Variants in GIN1 observed in about 807,000 individuals in gnomAD.
GIN1 encodes gypsy retrotransposon integrase 1, also known as gypsy retrotransposon integrase-like protein 1.
Under a neutral mutation model 51.4 loss-of-function variants are expected in GIN1, and 41 were observed. That is an observed-to-expected ratio of 0.80 (90% CI 0.62 to 1.04). The LOEUF (loss-of-function observed/expected upper bound fraction) is 1.04. GIN1 is among the 50% of genes least tolerant of loss of function. The pLI is 0.00. For missense variants in GIN1, 610 were observed against 612.4 expected, an observed-to-expected ratio of 1.00 and a Z score of 0.04; for synonymous variants, 222 against 206.5, an observed-to-expected ratio of 1.07 and a Z score of -0.64.
At chr5:103,110,076 C>T (rs1787829957) in intron 1 of GIN1, among the ~76,000 whole-genome samples, 1 of 151,776 alleles carries the variant, frequency 6.6e-6, no homozygotes, top group African/African-American at 2.4e-5. Flanking sequence ...ACATCTTACA[C>T]AAAAATTAAT....
At chr5:103,101,685 CT>C (rs1787578988) in intron 4 of GIN1, among the ~76,000 whole-genome samples, 2 of 152,268 alleles carry the variant, frequency 1.3e-5, no homozygotes, top group African/African-American at 4.8e-5. Flanking sequence ...CATTCAACTG[CT>C]GAAAGCAAAA....
chr5:103,087,871 A>AGC lies in GIN1; in HGVS notation c.*26_*27insGC. 1.0e-6 allele frequency: 1 copy of AGC among 963,148 alleles called. No homozygotes were observed. Among genetic ancestry groups the AGC allele is most frequent in the Non-Finnish European group, 1.5e-6 (1 of 655,112 alleles). 59.7% of individuals were successfully genotyped at this position (963,148 alleles called of 1,614,324 possible). A position where few individuals can be genotyped will look rare whatever the true frequency, so the allele number is the denominator to read the frequency against. ...TCATTAAGAATTTATATTCTAAACA[A>AGC]ACAATTTAAATAAATTTTGGTATTT... On this transcript the variant is annotated 3_prime_UTR_variant, in exon 8 of 8. Transcript: ENST00000399004.
chr5:103,092,754 T>G (rs1253490183), intron 7 of GIN1, among the ~76,000 whole-genome samples: 1 of 151,754 alleles, frequency 6.6e-6, no homozygotes, highest in Non-Finnish European at 1.5e-5. Context: ...GAGACCAACC[T>G]GGGCAACATA....
rs75209620 is a variant in GIN1, at chr5:103,096,494, C to G, written c.1294+47G>C. 929 of 1,317,610 alleles carry G rather than the reference C, an allele frequency of 7.1e-4. 9 individuals carry two copies. In the East Asian group the frequency reaches 0.018, roughly 25 times the overall value. The allele number at this position is 1,317,610 out of a possible 1,614,324, so 81.6% of individuals were successfully genotyped here. On this transcript the variant is annotated intron_variant, in intron 7 of 7. Transcript: ENST00000399004. ...AAGGTTTCTGTTATTTTTAACTATT[C>G]TCCTTACCTAAAGCAATAAAAATGT...
intron 4 of GIN1, 29 bp downstream of exon 4, chr5:103,104,511 TC>T: frequency 9.0e-7 from 1 of 1,114,394 alleles, no homozygotes; most frequent in South Asian, 1.4e-5. Flanking sequence ...TAAGATATGC[TC>T]CCAGACCTAA....
chr5:103,104,724 A>T lies in GIN1; in HGVS notation c.456T>A (p.His152Gln). Residue 152 changes from histidine (H) to glutamine (Q), a missense_variant, in exon 4 of 8, where the codon CAT becomes CAA. Coordinates refer to ENST00000399004, the MANE Select transcript of GIN1 (RefSeq NM_017676.2). ...CATATACATGACTTCTGTTGCTTGT[A>T]TGAAAAGGCCCCATCAGATCAACAG... The part of the protein sequence containing the change: ...LVTVDLMGPF[H>Q]TSNRSHVYAI... 1 of 1,612,638 alleles carries T rather than the reference A, an allele frequency of 6.2e-7. No homozygotes were observed.
chr5:103,104,006 T>C (rs1787649196), intron 4 of GIN1, among the ~76,000 whole-genome samples: 1 of 151,950 alleles, frequency 6.6e-6, no homozygotes, highest in Non-Finnish European at 1.5e-5. Flanking sequence ...CAGGCTGGAG[T>C]GCAGTGGTGC....
chr5:103,115,465 G>A (rs114319587), intron 1 of GIN1, among the ~76,000 whole-genome samples: 1 of 152,132 alleles, frequency 6.6e-6, no homozygotes, highest in Admixed American at 6.5e-5. Context: ...GGTAGTCAGA[G>A]TAGTCAAATA....
chr5:103,106,938 T>C (rs782297856), intron 2 of GIN1, 29 bp from the exon 3 acceptor site: 12 of 1,255,996 alleles, frequency 9.6e-6, no homozygotes, highest in Middle Eastern at 2.1e-4. Flanking sequence ...AAAGATAGAA[T>C]TGCAATTTTT....
chr5:103,090,746 A>C lies in GIN1; in HGVS notation c.1295-2574T>G, dbSNP rs183603471. Reference sequence around the variant, plus strand: ...TAGGGAAAAATATGCCTAGATGTAAAGCTCTTAGAAATTTTCATTTTAATT... The same window carrying C: ...TAGGGAAAAATATGCCTAGATGTAACGCTCTTAGAAATTTTCATTTTAATT... On this transcript the variant is annotated intron_variant, in intron 7 of 7. Coordinates refer to ENST00000399004, the MANE Select transcript of GIN1 (RefSeq NM_017676.2). 2.1e-3 allele frequency among the ~76,000 whole-genome samples: 319 copies of C among 152,282 alleles called. 1 individual carries two copies. The highest frequency in any genetic ancestry group is 7.3e-3 in the African/African-American group (302 of 41,550).
chr5:103,104,157 T>C (rs1408693413), intron 4 of GIN1, among the ~76,000 whole-genome samples: 1 of 152,114 alleles, frequency 6.6e-6, no homozygotes, highest in Non-Finnish European at 1.5e-5. Context: ...TTTCGCCCTA[T>C]TGCCCAGGTG....
At chr5:103,113,768 C>T (rs2151477000) in intron 1 of GIN1, among the ~76,000 whole-genome samples, 1 of 152,264 alleles carries the variant, frequency 6.6e-6, no homozygotes, top group Non-Finnish European at 1.5e-5. Flanking sequence ...GTGATCCACC[C>T]ACCTTAGCCT....
At chr5:103,111,157 C>G (rs1787871195) in intron 1 of GIN1, among the ~76,000 whole-genome samples, 1 of 151,750 alleles carries the variant, frequency 6.6e-6, no homozygotes, top group Admixed American at 6.6e-5. Flanking sequence ...ATCATTCTAG[C>G]TCTGCATTAA....
chr5:103,089,670 G>C (rs782820288), intron 7 of GIN1, among the ~76,000 whole-genome samples: 1 of 152,060 alleles, frequency 6.6e-6, no homozygotes, highest in Non-Finnish European at 1.5e-5. Context: ...GGGTTAAGGA[G>C]CCCTCAAATT....
rs1262134895 is a variant in GIN1 at position 103,086,536 on chromosome 5, T to A, written c.*1362A>T. 6.6e-6 allele frequency: 1 copy of A among 152,232 alleles called. No individual in the cohort carries two copies. Among genetic ancestry groups the A allele is most frequent in the African/African-American group, 2.4e-5 (1 of 41,464 alleles). The allele number at this position is 152,232 out of a possible 1,614,324, so 9.4% of individuals were successfully genotyped here. Reference sequence around the variant, plus strand: ...CTTTTTATGAATCATTACAATACTTTTCCATTTCTGTGTATTACTTCTCCC... The same window carrying A: ...CTTTTTATGAATCATTACAATACTTATCCATTTCTGTGTATTACTTCTCCC... On this transcript the variant is annotated 3_prime_UTR_variant, in exon 8 of 8. Coordinates refer to ENST00000399004, the MANE Select transcript of GIN1 (RefSeq NM_017676.2).
At chr5:103,100,989 G>C (rs953294853) in intron 4 of GIN1, among the ~76,000 whole-genome samples, 27 of 152,218 alleles carry the variant, frequency 1.8e-4, no homozygotes, top group Admixed American at 1.5e-3. Flanking sequence ...GTGAATGTTT[G>C]ATACTGCAGG....
chr5:103,100,111 TA>T (rs1787527211), intron 4 of GIN1, among the ~76,000 whole-genome samples: 2 of 150,214 alleles, frequency 1.3e-5, no homozygotes, highest in African/African-American at 2.5e-5. Flanking sequence ...CTTTATTTTT[TA>T]TTTTTTTTTT....
intron 7 of GIN1, among the ~76,000 whole-genome samples, chr5:103,091,345 A>G (rs1372885969): frequency 6.6e-6 from 1 of 152,180 alleles, no homozygotes; most frequent in African/African-American, 2.4e-5. Flanking sequence ...TTATTCATCT[A>G]TTGGACAACA....
chr5:103,101,827 A>G (rs549152553), intron 4 of GIN1, among the ~76,000 whole-genome samples: 45 of 152,294 alleles, frequency 3.0e-4, no homozygotes, highest in Admixed American at 8.5e-4. Context: ...ATAAAGCTTC[A>G]TTTCTTATTT....
Sources: allele counts gnomAD v4.1 joint callset (sites outside exome capture counted in the v4.1 genomes callset), GRCh38; gene constraint gnomAD v4.1.1; transcripts MANE v1.5; gene names NCBI Gene and HGNC (gene_info 2026-07-23, HGNC 2026-07-21).